The following PHF20 variants were observed in gnomAD, a reference collection of about 807,000 sequenced individuals.
PHF20 encodes the protein PHD finger protein 20, also known as glioma-expressed antigen 2.
PHF20 carries 23 observed loss-of-function variants against 113.5 expected under a neutral mutation model. The ratio of observed to expected loss-of-function variants is 0.20; its 90% CI spans 0.15 to 0.29. The LOEUF is 0.29. Among genes scored for constraint, PHF20 ranks in the 10% least tolerant of loss-of-function variants. The probability of loss-of-function intolerance (pLI) is 1.00; values close to 1 mark genes in which losing one functional copy is unlikely to be tolerated. For synonymous variants in PHF20, 434 were observed against 457.3 expected, an observed-to-expected ratio of 0.95 and a Z score of 0.65; for missense variants, 943 against 1,219.6, an observed-to-expected ratio of 0.77 and a Z score of 3.38.
At chr20:35,898,382 G>A (rs563023134) in intron 9 of PHF20, among the ~76,000 whole-genome samples, 1 of 152,272 alleles carries the variant, frequency 6.6e-6, no homozygotes, top group South Asian at 2.1e-4. Flanking sequence ...GTAAATGTAA[G>A]TCTGATCCAA....
At chr20:35,858,879 T>G (rs762254463) in intron 5 of PHF20, among the ~76,000 whole-genome samples, 4 of 152,192 alleles carry the variant, frequency 2.6e-5, no homozygotes, top group South Asian at 4.1e-4. Flanking sequence ...GGCCACTGTT[T>G]CCTTTTAACA....
In PHF20 at chr20:35,791,797, G is replaced by T. The variant is rs745563550; in HGVS notation, c.-32-9694G>T. On this transcript the variant is annotated intron_variant, in intron 1 of 17. Coordinates refer to ENST00000374012, the MANE Select transcript of PHF20 (RefSeq NM_016436.5). ...AAGCAGGTCCTACAAAATGTTGTCC[G>T]AGTGTGGGAGGTGAGGGAAGGAGAA... Among the ~76,000 whole-genome samples, 9 of 151,902 alleles carry T rather than the reference G, an allele frequency of 5.9e-5. No homozygotes were observed. In the Admixed American group the frequency reaches 5.9e-4, roughly 10 times the overall value.
At chr20:35,911,331 T>C (rs151267160) in intron 10 of PHF20, among the ~76,000 whole-genome samples, 88 of 152,190 alleles carry the variant, frequency 5.8e-4, no homozygotes, top group Admixed American at 2.0e-3. Context: ...CATGAGCCAC[T>C]GCGCCCGGCC....
intron 9 of PHF20, among the ~76,000 whole-genome samples, chr20:35,888,067 G>A (rs2054772320): frequency 1.4e-5 from 2 of 146,464 alleles, no homozygotes; most frequent in East Asian, 2.1e-4. Context: ...CGCAACCTCC[G>A]CCTCCCTGGT....
At chr20:35,814,880 AAAAAAAAAAAT>A (rs2042041054) in intron 2 of PHF20, among the ~76,000 whole-genome samples, 1 of 145,814 alleles carries the variant, frequency 6.9e-6, no homozygotes, top group Admixed American at 6.8e-5. Context: ...CTCAAAAAAA[AAAAAAAAAAAT>A]AAAATAAATA....
At chr20:35,834,423 G>C (rs560022745) in intron 2 of PHF20, among the ~76,000 whole-genome samples, 1 of 151,940 alleles carries the variant, frequency 6.6e-6, no homozygotes, top group South Asian at 2.1e-4. Context: ...AGCTAATTTT[G>C]TATTTTTAGT....
intron 15 of PHF20, among the ~76,000 whole-genome samples, chr20:35,937,266 C>T (rs61029729): frequency 0.096 from 14,594 of 151,928 alleles, 814 homozygotes; most frequent in South Asian, 0.21. Context: ...GTTGGGAGTT[C>T]GAGACCAGCC....
At chr20:35,796,097 G>A (rs916951674) in intron 1 of PHF20, among the ~76,000 whole-genome samples, 10 of 152,004 alleles carry the variant, frequency 6.6e-5, no homozygotes, top group South Asian at 2.1e-4. Context: ...TGATCCGCCC[G>A]CCTTGGCCTC....
chr20:35,871,796 C>G lies in PHF20; in HGVS notation c.1249C>G (p.Leu417Val), dbSNP rs750250426. 4 of 1,611,904 alleles carry G rather than the reference C, an allele frequency of 2.5e-6. No homozygotes were observed. The African/African-American group carries it at 5.3e-5, about 22-fold the overall frequency. ...GATGAAAACAGAACCGACTTCTCCC[C>G]TTGTGGAATTACAAGAGATTTCGAC... ...NTMKTEPTSPLVELQEISTVE... is the reference protein window; with the variant it reads ...NTMKTEPTSPVVELQEISTVE... The change falls in exon 9 of 18, where the codon CTT becomes GTT. Residue 417 changes from leucine (L) to valine (V), a missense_variant. By Grantham distance (32) the Leu-to-Val change is conservative. Transcript: ENST00000374012.
chr20:35,900,201 A>T (rs766802771), intron 10 of PHF20, among the ~76,000 whole-genome samples: 1 of 152,230 alleles, frequency 6.6e-6, no homozygotes, highest in Non-Finnish European at 1.5e-5. Flanking sequence ...CTTTTAGGAA[A>T]TATCTTCTAA....
chr20:35,801,430 T>A, intron 1 of PHF20, 61 bp from the exon 2 acceptor site: 1 of 797,994 alleles, frequency 1.3e-6, no homozygotes, highest in Non-Finnish European at 2.1e-6. Context: ...GTGTAGTGAA[T>A]GATGCTACAC....
intron 10 of PHF20, among the ~76,000 whole-genome samples, chr20:35,903,036 T>C (rs964556042): frequency 6.7e-6 from 1 of 148,170 alleles, no homozygotes; most frequent in African/African-American, 2.5e-5. Flanking sequence ...TTTTTTTTTT[T>C]GAGTGATTTT....
At chr20:35,857,148 G>A (rs952077338) in intron 4 of PHF20, among the ~76,000 whole-genome samples, 6 of 152,146 alleles carry the variant, frequency 3.9e-5, no homozygotes, top group African/African-American at 9.7e-5. Context: ...AAACCATTAC[G>A]TGATTACCAA....
intron 1 of PHF20, among the ~76,000 whole-genome samples, chr20:35,800,891 A>G (rs1307763412): frequency 2.6e-5 from 4 of 152,058 alleles, no homozygotes; most frequent in Non-Finnish European, 5.9e-5. Context: ...AGCGTTTGCT[A>G]TGTTTCTCAG....
rs1250873040 is a variant in PHF20, at chr20:35,842,563, T to C, written c.84-10T>C. ...TTAAAGGAATGCCAATTTTTTTTTTTCTGACTCAGGTATCCAGCTCACATA... is the reference window on the plus strand; with the variant it reads ...TTAAAGGAATGCCAATTTTTTTTTTCCTGACTCAGGTATCCAGCTCACATA... On this transcript the variant is annotated splice_polypyrimidine_tract_variant and intron_variant, in intron 2 of 17. Coordinates refer to ENST00000374012, the MANE Select transcript of PHF20 (RefSeq NM_016436.5). The C allele has an allele frequency of 1.2e-6, 2 of 1,600,180 alleles. No homozygotes were observed. The highest frequency in any genetic ancestry group is 1.7e-6 in the Non-Finnish European group (2 of 1,175,832).
At chr20:35,933,150 A>G (rs2147117596) in intron 15 of PHF20, among the ~76,000 whole-genome samples, 1 of 149,982 alleles carries the variant, frequency 6.7e-6, no homozygotes, top group South Asian at 2.1e-4. Context: ...TTTATTTCCC[A>G]GGCTGAAGTG....
chr20:35,923,348 C>G (rs957545276), intron 13 of PHF20, among the ~76,000 whole-genome samples: 1 of 151,888 alleles, frequency 6.6e-6, no homozygotes, highest in Non-Finnish European at 1.5e-5. Context: ...CACCCGTAAT[C>G]CTAGCACTTT....
At chr20:35,905,654 A>G (rs559379230) in intron 10 of PHF20, among the ~76,000 whole-genome samples, 9 of 152,344 alleles carry the variant, frequency 5.9e-5, no homozygotes, top group African/African-American at 1.7e-4. Flanking sequence ...CACATATAAC[A>G]TAATGTTTTG....
intron 13 of PHF20, among the ~76,000 whole-genome samples, chr20:35,923,835 T>G (rs1479771558): frequency 6.6e-6 from 1 of 152,228 alleles, no homozygotes; most frequent in Non-Finnish European, 1.5e-5. Flanking sequence ...CATGGCAGCC[T>G]CCAGCTCCTG....
Sources: allele counts gnomAD v4.1 joint callset (sites outside exome capture counted in the v4.1 genomes callset), GRCh38; gene constraint gnomAD v4.1.1; transcripts MANE v1.5; gene names NCBI Gene and HGNC (gene_info 2026-07-23, HGNC 2026-07-21).